ZBTB47: variants seen among roughly 807,000 people sequenced by gnomAD.
ZBTB47 encodes the protein zinc finger and BTB domain containing 47, also known as zinc finger and BTB domain-containing protein 47.
ZBTB47 carries 24 observed loss-of-function variants against 56.6 expected under a neutral mutation model. That is an observed-to-expected ratio of 0.42 (90% confidence interval 0.31 to 0.60). The LOEUF is 0.60. Among genes scored for constraint, ZBTB47 ranks in the 20% least tolerant of loss-of-function variants. The pLI, the probability that ZBTB47 is intolerant of heterozygous loss-of-function variation, is 0.14. For missense variants in ZBTB47, 829 were observed against 1,032.6 expected, an observed-to-expected ratio of 0.80 and a Z score of 2.70; for synonymous variants, 414 against 418.9, an observed-to-expected ratio of 0.99 and a Z score of 0.14.
In ZBTB47 at chr3:42,654,976, C is replaced by T. The variant is rs1710621349; in HGVS notation, c.-82+1093C>T. ...GGGGCGCTCCCCTGCGCCCGGACGG[C>T]GCCGCCCTCGGGCTGGGTAATGGGG... On this transcript the variant is annotated intron_variant, in intron 1 of 5. Coordinates refer to ENST00000232974, the MANE Select transcript of ZBTB47 (RefSeq NM_145166.4). This position sits in a 1 kb window ranked among gnomAD's most constrained non-coding sequence, Gnocchi z 5.0. Among the ~76,000 whole-genome samples the T allele has an allele frequency of 6.6e-6, 1 of 152,008 alleles. No homozygotes were observed. Among genetic ancestry groups the T allele is most frequent in the African/African-American group, 2.4e-5 (1 of 41,410 alleles).
Position 42,654,236 on chromosome 3 carries a change from G to T in ZBTB47, c.-82+353G>T, listed in dbSNP as rs1162986253. ...GGACGAACTTCCCGGCAGAAAGGAG[G>T]CTCAGCACGGGAGGGTGGGGCCGGG... On this transcript the variant is annotated intron_variant, in intron 1 of 5. Transcript: ENST00000232974. This position sits in a 1 kb window ranked among gnomAD's most constrained non-coding sequence, Gnocchi z 5.0. The T allele has an allele frequency of 6.6e-6, 1 of 151,304 alleles. No homozygotes were observed. Among genetic ancestry groups the T allele is most frequent in the Non-Finnish European group, 1.5e-5 (1 of 67,796 alleles). 9.4% of individuals were successfully genotyped at this position (151,304 alleles called of 1,614,324 possible). A position where few individuals can be genotyped will look rare whatever the true frequency, so the allele number is the denominator to read the frequency against.
At chr3:42,660,976 G>A (rs895178015) in intron 2 of ZBTB47, among the ~76,000 whole-genome samples, 5 of 152,122 alleles carry the variant, frequency 3.3e-5, no homozygotes, top group Non-Finnish European at 5.9e-5. Flanking sequence ...GTGCCTGATG[G>A]GACCTTGAGC....
rs757438760 is a variant in ZBTB47 at position 42,659,830 on chromosome 3, TG to T, written c.1473+5del. The T allele has an allele frequency of 6.3e-7, 1 of 1,596,570 alleles. No individual in the cohort carries two copies. The highest frequency in any genetic ancestry group is 1.3e-5 in the African/African-American group (1 of 74,772). On this transcript the variant is annotated splice_donor_region_variant and intron_variant, in intron 2 of 5. Transcript: ENST00000232974. ...ACAGACTGCGAGCGCAACATCCAGG[TG>T]GGCCTCACGTGGCTGGGGGCAGGGC... is the stretch of plus-strand genomic sequence containing the variant.
chr3:42,662,077 G>A (rs1037672009), intron 3 of ZBTB47, among the ~76,000 whole-genome samples: 2 of 152,228 alleles, frequency 1.3e-5, no homozygotes, highest in Non-Finnish European at 1.5e-5. Flanking sequence ...AGGCCTCTCT[G>A]AATGCAGCCT....
At chr3:42,655,386 G>A (rs1353864073) in intron 1 of ZBTB47, among the ~76,000 whole-genome samples, 1 of 152,186 alleles carries the variant, frequency 6.6e-6, no homozygotes, top group Non-Finnish European at 1.5e-5. Flanking sequence ...CTGAGGCAGG[G>A]TAGAGAGATG....
Position 42,658,641 on chromosome 3 carries a change from C to A in ZBTB47, c.286C>A (p.Leu96Met). ...VHEVLSAASLLQMADIAASCQ... is the reference protein window; with the variant it reads ...VHEVLSAASLMQMADIAASCQ... ...CGAGGTGCTCAGCGCCGCCTCATTG[C>A]TGCAGATGGCTGACATCGCTGCGTC... The change falls in exon 2 of 6, where the codon CTG (leucine) becomes ATG (methionine). Residue 96 changes from leucine to methionine, a missense_variant. Around this residue, in one of 6 missense-constraint regions of ZBTB47, gnomAD observed 120 missense variants for 200.2 expected, o/e 0.60. Transcript: ENST00000232974. The A allele has an allele frequency of 1.3e-6, 2 of 1,536,838 alleles. No individual in the cohort carries two copies. The highest frequency in any genetic ancestry group is 1.7e-6 in the Non-Finnish European group (2 of 1,146,922).
Position 42,667,465 on chromosome 3 carries a change from G to A in ZBTB47, c.*2867G>A, listed in dbSNP as rs1354617715. On this transcript the variant is annotated 3_prime_UTR_variant, in exon 6 of 6. Coordinates refer to ENST00000232974, the MANE Select transcript of ZBTB47 (RefSeq NM_145166.4). Reference sequence around the variant, plus strand: ...AGTGGCAGAATGGCCATGCCCAGGTGTGTGTTGAGACCATTGACAACTGCT... The same window carrying A: ...AGTGGCAGAATGGCCATGCCCAGGTATGTGTTGAGACCATTGACAACTGCT... Among the ~76,000 whole-genome samples, 1 of 152,238 alleles carries A rather than the reference G, an allele frequency of 6.6e-6. No homozygotes were observed. Among genetic ancestry groups the A allele is most frequent in the South Asian group, 2.1e-4 (1 of 4,824 alleles).
At chr3:42,662,895 G>A (rs893548514) in intron 3 of ZBTB47, 117 bp from the exon 4 acceptor site, 1 of 705,680 alleles carries the variant, frequency 1.4e-6, no homozygotes, top group Non-Finnish European at 2.5e-6. Context: ...AGAGTATAAG[G>A]CCAGCCCCAG....
rs778328232 is a variant in ZBTB47, at chr3:42,661,601, C to T, written c.1590C>T (p.Tyr530=). ...FSCEICEKKF[Y]TMAHVRKHMV... is the part of the protein sequence containing the mutation. ...GCGAGATCTGTGAGAAGAAGTTCTA[C>T]ACCATGGCCCACGTGCGTAAGCACA... The change falls in exon 3 of 6, where the codon TAC becomes TAT. Residue 530 remains tyrosine (Y), a synonymous_variant. Transcript: ENST00000232974. The T allele has an allele frequency of 4.3e-6, 7 of 1,614,084 alleles. No homozygotes were observed. The highest frequency in any genetic ancestry group is 1.3e-5 in the African/African-American group (1 of 75,084).
At position 42,655,437 on chromosome 3, in the gene ZBTB47, A is replaced by G. The variant is rs185098235; in HGVS notation, c.-82+1554A>G. On this transcript the variant is annotated intron_variant, in intron 1 of 5. Coordinates refer to ENST00000232974, the MANE Select transcript of ZBTB47 (RefSeq NM_145166.4). ...GAGGCAAGGTACCCCTCAGGTGTAG[A>G]AGGCTCTGACTTGGGTGAGCAGCCT... is the stretch of plus-strand genomic sequence containing the variant. Among the ~76,000 whole-genome samples, 66 of 152,288 alleles carry G rather than the reference A, an allele frequency of 4.3e-4. No individual in the cohort carries two copies. In the Middle Eastern group the frequency reaches 0.014, roughly 31 times the overall value.
At chr3:42,664,201 C>G (rs1710755401) in intron 5 of ZBTB47, 36 bp from the exon 6 acceptor site, 1 of 1,608,078 alleles carries the variant, frequency 6.2e-7, no homozygotes, top group African/African-American at 1.3e-5. Context: ...GTGGCGACCC[C>G]TCACTGACGC....
In ZBTB47 at chr3:42,659,800, GGCAGACAGACTGCGAGC is replaced by G; in HGVS notation, c.1449_1465del (p.Thr484HisfsTer18). 1 of 1,611,456 alleles carries G rather than the reference GGCAGACAGACTGCGAGC, an allele frequency of 6.2e-7. No homozygotes were observed. The highest frequency in any genetic ancestry group is 8.5e-7 in the Non-Finnish European group (1 of 1,178,358). On this transcript the variant is annotated frameshift_variant, in exon 2 of 6. Coordinates refer to ENST00000232974, the MANE Select transcript of ZBTB47 (RefSeq NM_145166.4). LOFTEE classifies it high-confidence loss of function. ...CTGGAGAGCGAGCTGCTGCTGCACA[GGCAGACAGACTGCGAGC>G]GCAACATCCAGGTGGGCCTCACGTG...
At position 42,663,969 on chromosome 3, in the gene ZBTB47, G is replaced by A. The variant is rs1423607759; in HGVS notation, c.1882+28G>A. ...GCGGCTGCCCCTGGGGACGGAGCTC[G>A]GTGCCGGGCCTGGGACCCCTTCTCA... is the stretch of plus-strand genomic sequence containing the variant. On this transcript the variant is annotated intron_variant, in intron 5 of 5. Transcript: ENST00000232974. This position sits in a 1 kb window ranked among gnomAD's most constrained non-coding sequence, Gnocchi z 5.1. The A allele has an allele frequency of 1.3e-6, 2 of 1,594,688 alleles. No individual in the cohort carries two copies. The highest frequency in any genetic ancestry group is 1.1e-5 in the South Asian group (1 of 88,842).
chr3:42,653,859 G>A lies in ZBTB47; in HGVS notation c.-106G>A. ...GGATTTAAATCTCCTGCCCTGGGTGGCCCTATGCAGCATGAGGCCGCCAGG... is the reference window on the plus strand; with the variant it reads ...GGATTTAAATCTCCTGCCCTGGGTGACCCTATGCAGCATGAGGCCGCCAGG... On this transcript the variant is annotated 5_prime_UTR_variant, in exon 1 of 6. Transcript: ENST00000232974. 1 of 152,492 alleles carries A rather than the reference G, an allele frequency of 6.6e-6. No homozygotes were observed. The highest frequency in any genetic ancestry group is 1.5e-5 in the Non-Finnish European group (1 of 68,156). The allele number at this position is 152,492 out of a possible 1,614,324, so 9.4% of individuals were successfully genotyped here. A position where few individuals can be genotyped will look rare whatever the true frequency, so the allele number is the denominator to read the frequency against.
rs955757730 is a variant in ZBTB47, at chr3:42,658,412, G to A, written c.57G>A (p.Leu19=). ...LFQPDLCDVD[L]VLVPQRSVFP... is the part of the protein sequence containing the mutation. ...AGCCTGACCTCTGCGACGTGGACTT[G>A]GTGCTGGTGCCCCAGCGCAGCGTCT... The change falls in exon 2 of 6, where the codon TTG becomes TTA. Residue 19 remains leucine (L), a synonymous_variant. Transcript: ENST00000232974. 6.5e-7 allele frequency: 1 copy of A among 1,536,986 alleles called. No individual in the cohort carries two copies. The highest frequency in any genetic ancestry group is 8.7e-7 in the Non-Finnish European group (1 of 1,146,908).
In ZBTB47 at chr3:42,658,626, A is replaced by G; in HGVS notation, c.271A>G (p.Ser91Gly). 2.0e-6 allele frequency: 3 copies of G among 1,536,930 alleles called. No individual in the cohort carries two copies. Among genetic ancestry groups the G allele is most frequent in the Non-Finnish European group, 2.6e-6 (3 of 1,146,934 alleles). The change falls in exon 2 of 6, where the codon AGC becomes GGC. Residue 91 changes from serine to glycine, a missense_variant. Physicochemically the swap from Ser to Gly is moderately conservative, Grantham distance 56. Transcript: ENST00000232974. ...CGCGGCCAACGTCCACGAGGTGCTC[A>G]GCGCCGCCTCATTGCTGCAGATGGC... ...VNAANVHEVL[S>G]AASLLQMADI...
rs775708314 is a variant in ZBTB47 at position 42,663,049 on chromosome 3, C to T, written c.1659C>T (p.Cys553=). 47 of 1,613,762 alleles carry T rather than the reference C, an allele frequency of 2.9e-5. 1 individual carries two copies. In the Middle Eastern group the frequency reaches 6.6e-4, roughly 23 times the overall value. ...ACATGCCCTTCACCTGCGAGACCTG[C>T]GGAAAGTCCTTCAAGCGCAGCATGT... The part of the protein sequence containing the change: ...TKDMPFTCET[C]GKSFKRSMSL... Residue 553 remains cysteine (C), a synonymous_variant, in exon 4 of 6, where the codon TGC becomes TGT. Coordinates refer to ENST00000232974, the MANE Select transcript of ZBTB47 (RefSeq NM_145166.4). This position sits in a 1 kb window ranked among gnomAD's most constrained non-coding sequence, Gnocchi z 5.1.
Position 42,664,841 on chromosome 3 carries a change from T to TA in ZBTB47, c.*244dup. ...CCTTTCTGTGACTCCTTGAAGCCTT[T>TA]ACTTTTTTTTTTTTTTGGAAGTGAA... On this transcript the variant is annotated 3_prime_UTR_variant, in exon 6 of 6. Coordinates refer to ENST00000232974, the MANE Select transcript of ZBTB47 (RefSeq NM_145166.4). 3.0e-6 allele frequency: 1 copy of TA among 329,868 alleles called. No individual in the cohort carries two copies. The highest frequency in any genetic ancestry group is 5.0e-6 in the Non-Finnish European group (1 of 201,256). The allele number at this position is 329,868 out of a possible 1,614,324, so 20.4% of individuals were successfully genotyped here.
At chr3:42,660,652 A>G (rs1015310849) in intron 2 of ZBTB47, among the ~76,000 whole-genome samples, 3 of 152,082 alleles carry the variant, frequency 2.0e-5, no homozygotes, top group South Asian at 2.1e-4. Context: ...TGCCTGCGCT[A>G]ATTGCTAATT....
Sources: allele counts gnomAD v4.1 joint callset (sites outside exome capture counted in the v4.1 genomes callset), GRCh38; gene constraint gnomAD v4.1.1; regional missense constraint gnomAD v4.1.1; non-coding constraint Gnocchi (gnomAD v3.1); transcripts MANE v1.5; gene names NCBI Gene and HGNC (gene_info 2026-07-23, HGNC 2026-07-21).